Variants in XYLT1 observed in about 807,000 individuals in gnomAD.
XYLT1 encodes the protein xylosyltransferase 1.
In XYLT1, 36 loss-of-function variants were observed where a neutral mutation model predicts 91.3. The observed-to-expected ratio is 0.39, with a 90% CI of 0.30 to 0.52. XYLT1 has a LOEUF of 0.52. Ranked by LOEUF, XYLT1 falls within the 20% of genes least tolerant of loss-of-function variation. The probability of loss-of-function intolerance (pLI) is 0.68; values close to 1 mark genes in which losing one functional copy is unlikely to be tolerated. For missense variants in XYLT1, 1,242 were observed against 1,284.5 expected (o/e 0.97, Z 0.51); for synonymous variants, 588 against 532.0 (o/e 1.11, Z -1.45).
In XYLT1 at chr16:17,394,070, C is replaced by T. The variant is rs141741373; in HGVS notation, c.364-36020G>A. On this transcript the variant is annotated intron_variant, in intron 1 of 11. Transcript: ENST00000261381. The stretch of plus-strand genomic sequence containing the variant: ...CATTACAGGCATGAGCCACCACGCC[C>T]GGCCAATTGATTTTTTTTTAAATGT... Among the ~76,000 whole-genome samples, 28 of 152,198 alleles carry T rather than the reference C, an allele frequency of 1.8e-4. No individual in the cohort carries two copies. The East Asian group carries it at 4.3e-3, about 23-fold the overall frequency.
rs1004059846 is a variant in XYLT1 at position 17,358,128 on chromosome 16, T to A, written c.364-78A>T. 5.9e-6 allele frequency: 8 copies of A among 1,352,662 alleles called. No homozygotes were observed. In the African/African-American group the frequency reaches 1.1e-4, roughly 19 times the overall value. The allele number at this position is 1,352,662 out of a possible 1,614,324, so 83.8% of individuals were successfully genotyped here. A position where few individuals can be genotyped will look rare whatever the true frequency, so the allele number is the denominator to read the frequency against. Reference sequence around the variant, plus strand: ...CTACCCCAGCATCTTTTTCTTTCTTTCCTTTTTTTTTTTTTTTAAGAGACA... The same window carrying A: ...CTACCCCAGCATCTTTTTCTTTCTTACCTTTTTTTTTTTTTTTAAGAGACA... On this transcript the variant is annotated intron_variant, in intron 1 of 11. Transcript: ENST00000261381.
At chr16:17,170,769 GTCCATT>G (rs1276310995) in intron 5 of XYLT1, among the ~76,000 whole-genome samples, 2 of 152,030 alleles carry the variant, frequency 1.3e-5, no homozygotes, top group African/African-American at 4.8e-5. Flanking sequence ...ATACTAATTT[GTCCATT>G]TCCATTTCAC....
intron 8 of XYLT1, 86 bp downstream of exon 8, chr16:17,138,269 G>A: frequency 6.6e-7 from 1 of 1,504,948 alleles, no homozygotes; most frequent in Non-Finnish European, 9.1e-7. Flanking sequence ...GTGATAAGAT[G>A]ACCTGCAGGT....
At chr16:17,276,960 G>A (rs554037571) in intron 2 of XYLT1, among the ~76,000 whole-genome samples, 3 of 152,276 alleles carry the variant, frequency 2.0e-5, no homozygotes, top group Non-Finnish European at 2.9e-5. Context: ...AAAAGGTAGC[G>A]GTTACCCACA....
intron 3 of XYLT1, among the ~76,000 whole-genome samples, chr16:17,247,412 G>A (rs778637548): frequency 2.0e-5 from 3 of 152,146 alleles, no homozygotes; most frequent in African/African-American, 7.2e-5. Flanking sequence ...CCATGGAAGC[G>A]AGTCTCCCAT....
intron 1 of XYLT1, among the ~76,000 whole-genome samples, chr16:17,375,441 A>AT (rs2035586524): frequency 6.8e-6 from 1 of 147,384 alleles, no homozygotes. Flanking sequence ...CAAAAAAAAA[A>AT]ATAAAATTTT....
chr16:17,256,418 C>T lies in XYLT1; in HGVS notation c.913+2570G>A, dbSNP rs539964685. ...CTGTAATCCCAGCACTTTGGGGGGC[C>T]GAGGCGGGTGGATCACTAGGTCAGG... On this transcript the variant is annotated intron_variant, in intron 3 of 11. Coordinates refer to ENST00000261381, the MANE Select transcript of XYLT1 (RefSeq NM_022166.4). 1.1e-4 allele frequency among the ~76,000 whole-genome samples: 17 copies of T among 152,058 alleles called. No individual in the cohort carries two copies. In the East Asian group the frequency reaches 1.6e-3, roughly 14 times the overall value.
intron 2 of XYLT1, among the ~76,000 whole-genome samples, chr16:17,262,092 G>C (rs2033731552): frequency 6.6e-6 from 1 of 152,114 alleles, no homozygotes; most frequent in South Asian, 2.1e-4. Flanking sequence ...CATGAGCCAG[G>C]CACCACAGTA....
intron 2 of XYLT1, among the ~76,000 whole-genome samples, chr16:17,342,221 G>A (rs2035071759): frequency 6.6e-6 from 1 of 152,106 alleles, no homozygotes; most frequent in Non-Finnish European, 1.5e-5. Context: ...TCTATCTCAG[G>A]GCCTTTGCCC....
chr16:17,194,947 T>G (rs868458862), intron 5 of XYLT1, among the ~76,000 whole-genome samples: 1 of 152,232 alleles, frequency 6.6e-6, no homozygotes, highest in Non-Finnish European at 1.5e-5. Context: ...CTCCTTGCCA[T>G]GTACTTGTCT....
intron 2 of XYLT1, among the ~76,000 whole-genome samples, chr16:17,287,066 C>T (rs545799681): frequency 1.3e-5 from 2 of 152,254 alleles, no homozygotes; most frequent in East Asian, 3.9e-4. Flanking sequence ...GCCTTGATGA[C>T]CAGAGTGTAG....
intron 2 of XYLT1, among the ~76,000 whole-genome samples, chr16:17,286,643 G>T (rs1239973032): frequency 4.9e-5 from 6 of 121,668 alleles, no homozygotes; most frequent in Non-Finnish European, 1.1e-4. Flanking sequence ...CAATCCCCAT[G>T]GATAGGTATC....
intron 3 of XYLT1, among the ~76,000 whole-genome samples, chr16:17,254,649 C>A (rs2033600591): frequency 6.6e-6 from 1 of 152,198 alleles, no homozygotes; most frequent in Non-Finnish European, 1.5e-5. Context: ...CCTGCCTCGG[C>A]CTCCCAAAGT....
intron 3 of XYLT1, among the ~76,000 whole-genome samples, chr16:17,242,336 C>A (rs1156528930): frequency 6.6e-6 from 1 of 152,252 alleles, no homozygotes; most frequent in Non-Finnish European, 1.5e-5. Context: ...ACCTTCTACT[C>A]TGCAAAACCT....
At chr16:17,234,221 G>A (rs558146890) in intron 3 of XYLT1, among the ~76,000 whole-genome samples, 1 of 152,266 alleles carries the variant, frequency 6.6e-6, no homozygotes, top group South Asian at 2.1e-4. Context: ...GAGTGACAGA[G>A]CCTGGATTCA....
chr16:17,446,801 G>A (rs905696476), intron 1 of XYLT1, among the ~76,000 whole-genome samples: 3 of 151,892 alleles, frequency 2.0e-5, no homozygotes, highest in Admixed American at 2.0e-4. Flanking sequence ...CCCTCAGCGG[G>A]GAACAGCCCA....
chr16:17,133,786 A>ACTCT (rs1184584777), intron 9 of XYLT1, among the ~76,000 whole-genome samples: 1 of 152,078 alleles, frequency 6.6e-6, no homozygotes, highest in African/African-American at 2.4e-5. Context: ...CTTCTAGAAC[A>ACTCT]CTCTTTCCTG....
chr16:17,328,145 C>G (rs1270465792), intron 2 of XYLT1, among the ~76,000 whole-genome samples: 1 of 152,056 alleles, frequency 6.6e-6, no homozygotes, highest in African/African-American at 2.4e-5. Context: ...GACAGGTGCC[C>G]CGGGTTTACC....
Position 17,103,453 on chromosome 16 carries a change from T to C in XYLT1, c.*5242A>G, listed in dbSNP as rs1194529763. On this transcript the variant is annotated 3_prime_UTR_variant, in exon 12 of 12. Coordinates refer to ENST00000261381, the MANE Select transcript of XYLT1 (RefSeq NM_022166.4). Reference sequence around the variant, plus strand: ...TCCTATAGCATCTGCCAACTACAGATTGGCAGCCCCTTCCTTAGGAGGCTG... The same window carrying C: ...TCCTATAGCATCTGCCAACTACAGACTGGCAGCCCCTTCCTTAGGAGGCTG... 6.6e-6 allele frequency: 1 copy of C among 152,190 alleles called. No individual in the cohort carries two copies. The highest frequency in any genetic ancestry group is 1.5e-5 in the Non-Finnish European group (1 of 68,032). 9.4% of individuals were successfully genotyped at this position (152,190 alleles called of 1,614,324 possible). A position where few individuals can be genotyped will look rare whatever the true frequency, so the allele number is the denominator to read the frequency against.
Sources: gnomAD v4.1 joint callset for allele counts (sites outside exome capture counted in the v4.1 genomes callset) on GRCh38, gnomAD v4.1.1 for gene constraint, MANE v1.5 for transcripts, NCBI Gene and HGNC (gene_info 2026-07-23, HGNC 2026-07-21) for gene names.